FGD4: variants seen among roughly 807,000 people sequenced by gnomAD.
FGD4 encodes the protein FYVE, RhoGEF and PH domain-containing protein 4.
A neutral mutation model predicts 102.0 loss-of-function variants in FGD4; 42 were observed. The ratio of observed to expected loss-of-function variants is 0.41; its 90% CI spans 0.32 to 0.53. The LOEUF (loss-of-function observed/expected upper bound fraction) is 0.53, where lower values mean the gene tolerates loss of function less well. Among genes scored for constraint, FGD4 ranks in the 20% least tolerant of loss-of-function variants. FGD4 has a pLI of 0.21. For synonymous variants in FGD4, 380 were observed against 375.7 expected (o/e 1.01, Z -0.13); for missense variants, 902 against 1,078.2 (o/e 0.84, Z 2.29).
intron 7 of FGD4, among the ~76,000 whole-genome samples, chr12:32,604,890 T>C (rs781042238): frequency 6.0e-5 from 9 of 150,110 alleles, no homozygotes; most frequent in Non-Finnish European, 1.2e-4. Context: ...AATCAATTTC[T>C]AAAATGCAAA....
chr12:32,486,221 A>G, intron 1 of FGD4: 1 of 1,345,952 alleles, frequency 7.4e-7, no homozygotes, highest in Non-Finnish European at 1.0e-6. Flanking sequence ...TGCAAAGTAT[A>G]CAATAGATGA....
At chr12:32,624,855 T>TCC in intron 12 of FGD4, 121 bp from the exon 13 acceptor site, 2 of 832,030 alleles carry the variant, frequency 2.4e-6, no homozygotes, top group Admixed American at 3.7e-5. Flanking sequence ...TATGTAGTAA[T>TCC]CAGAACAGGT....
intron 2 of FGD4, among the ~76,000 whole-genome samples, chr12:32,570,841 T>C (rs1310027236): frequency 6.6e-6 from 1 of 152,186 alleles, no homozygotes; most frequent in Admixed American, 6.5e-5. Flanking sequence ...AAGATCCAGT[T>C]CTTCACAGGG....
chr12:32,583,781 G>A (rs1946796977), intron 4 of FGD4, among the ~76,000 whole-genome samples: 1 of 152,196 alleles, frequency 6.6e-6, no homozygotes, highest in Admixed American at 6.5e-5. Flanking sequence ...ATCTGAAACA[G>A]TAAAGAAACA....
chr12:32,525,833 G>A (rs1281814958), intron 1 of FGD4, among the ~76,000 whole-genome samples: 4 of 152,244 alleles, frequency 2.6e-5, no homozygotes, highest in Non-Finnish European at 5.9e-5. Flanking sequence ...GGCTGCAGAG[G>A]GTGTACTGAG....
chr12:32,405,169 G>A (rs975640311), intron 1 of FGD4, among the ~76,000 whole-genome samples: 1 of 151,622 alleles, frequency 6.6e-6, no homozygotes, highest in African/African-American at 2.4e-5. Context: ...TCCTGACCTT[G>A]TGATCCACCC....
intron 1 of FGD4, among the ~76,000 whole-genome samples, chr12:32,484,463 A>G (rs546661232): frequency 6.6e-6 from 1 of 152,330 alleles, no homozygotes; most frequent in African/African-American, 2.4e-5. Context: ...GATTCTGACT[A>G]CAACATCTGA....
At chr12:32,493,515 T>C (rs986320344) in intron 1 of FGD4, among the ~76,000 whole-genome samples, 1 of 152,182 alleles carries the variant, frequency 6.6e-6, no homozygotes, top group Non-Finnish European at 1.5e-5. Flanking sequence ...CTTCAGACAC[T>C]TGCCACCCAC....
chr12:32,407,729 AC>A (rs999414651), intron 1 of FGD4, among the ~76,000 whole-genome samples: 4 of 152,174 alleles, frequency 2.6e-5, no homozygotes, highest in African/African-American at 9.6e-5. Context: ...CTTGAAGTAG[AC>A]CTGAATTTGT....
In FGD4 at chr12:32,465,326, C is replaced by T. The variant is rs189092027; in HGVS notation, c.166+65367C>T. Among the ~76,000 whole-genome samples the T allele has an allele frequency of 2.7e-3, 417 of 152,156 alleles. 2 individuals carry two copies. The highest frequency in any genetic ancestry group is 9.8e-3 in the African/African-American group (405 of 41,504). ...TCTTAAGAAATTGCCATAGCCCCCC[C>T]AGCCCTCACCTTTAACAGCCACCAC... On this transcript the variant is annotated intron_variant, in intron 1 of 16. Coordinates refer to ENST00000534526, the MANE Select transcript of FGD4 (RefSeq NM_001370298.3).
chr12:32,415,569 C>T (rs1379255618), intron 1 of FGD4, among the ~76,000 whole-genome samples: 2 of 151,802 alleles, frequency 1.3e-5, no homozygotes, highest in African/African-American at 4.8e-5. Context: ...ACTACAGGCA[C>T]CTGCCACCAC....
At position 32,645,073 on chromosome 12, in the gene FGD4, GGTA is replaced by G. The variant is rs1329600649; in HGVS notation, c.*4543_*4545del. The G allele has an allele frequency of 1.3e-5, 2 of 152,064 alleles. No homozygotes were observed. Among genetic ancestry groups the G allele is most frequent in the African/African-American group, 4.8e-5 (2 of 41,410 alleles). The allele number at this position is 152,064 out of a possible 1,614,324, so 9.4% of individuals were successfully genotyped here. A position where few individuals can be genotyped will look rare whatever the true frequency, so the allele number is the denominator to read the frequency against. ...AACCCCTTTTCCCAAAATTCATTGT[GGTA>G]GTTTTAGTGGAAAACGTAAATCAAG... On this transcript the variant is annotated 3_prime_UTR_variant, in exon 17 of 17. Transcript: ENST00000534526.
intron 1 of FGD4, among the ~76,000 whole-genome samples, chr12:32,460,366 T>A (rs1465187439): frequency 1.3e-5 from 2 of 151,802 alleles, no homozygotes; most frequent in African/African-American, 4.8e-5. Context: ...AATAAAATAA[T>A]TAGCCACTGG....
At chr12:32,516,564 T>A (rs1939906147) in intron 1 of FGD4, among the ~76,000 whole-genome samples, 4 of 152,226 alleles carry the variant, frequency 2.6e-5, no homozygotes, top group Admixed American at 2.6e-4. Context: ...CACTGACAAG[T>A]TATCTGTTGT....
chr12:32,440,187 T>C (rs1942384378), intron 1 of FGD4, among the ~76,000 whole-genome samples: 1 of 152,222 alleles, frequency 6.6e-6, no homozygotes, highest in Non-Finnish European at 1.5e-5. Flanking sequence ...CATGTTTCCC[T>C]GGATGCCGCT....
At chr12:32,585,080 G>A (rs998611143) in intron 4 of FGD4, among the ~76,000 whole-genome samples, 2 of 151,528 alleles carry the variant, frequency 1.3e-5, no homozygotes, top group African/African-American at 4.8e-5. Flanking sequence ...AAATTAGCTG[G>A]TGTGGTGTCA....
chr12:32,448,431 G>C (rs1297323590), intron 1 of FGD4, among the ~76,000 whole-genome samples: 1 of 152,152 alleles, frequency 6.6e-6, no homozygotes, highest in Non-Finnish European at 1.5e-5. Context: ...GCTGAGGCGA[G>C]TGGATCACCT....
At chr12:32,413,653 C>T (rs1202340768) in intron 1 of FGD4, among the ~76,000 whole-genome samples, 9 of 152,260 alleles carry the variant, frequency 5.9e-5, no homozygotes, top group African/African-American at 2.2e-4. Context: ...CTGGTGGGAG[C>T]AGCAGCCTGC....
chr12:32,633,792 T>C (rs1950633924), intron 15 of FGD4, 103 bp downstream of exon 15: 1 of 1,057,684 alleles, frequency 9.5e-7, no homozygotes, highest in Non-Finnish European at 1.4e-6. Context: ...CTCAGCTCAC[T>C]GCAACCTCAG....
Sources: gnomAD v4.1 joint callset for allele counts (sites outside exome capture counted in the v4.1 genomes callset) on GRCh38, gnomAD v4.1.1 for gene constraint, MANE v1.5 for transcripts, NCBI Gene and HGNC (gene_info 2026-07-23, HGNC 2026-07-21) for gene names.